Variants in SNX29 observed in about 807,000 individuals in gnomAD.
The protein encoded by SNX29 is sorting nexin-29.
Under a neutral mutation model 102.1 loss-of-function variants are expected in SNX29, and 78 were observed. That is an observed-to-expected ratio of 0.76 (90% CI 0.64 to 0.92). The LOEUF (loss-of-function observed/expected upper bound fraction) is 0.92, where lower values mean the gene tolerates loss of function less well. Ranked by LOEUF, SNX29 falls within the 40% of genes least tolerant of loss-of-function variation. The pLI is 0.00. For synonymous variants in SNX29, 580 were observed against 414.5 expected, an observed-to-expected ratio of 1.40 and a Z score of -4.85; for missense variants, 1,280 against 1,061.7, an observed-to-expected ratio of 1.21 and a Z score of -2.86.
intron 19 of SNX29, among the ~76,000 whole-genome samples, chr16:12,502,617 C>T (rs747643994): frequency 1.6e-4 from 24 of 152,188 alleles, no homozygotes; most frequent in Admixed American, 8.5e-4. Context: ...TCAGCCTGAT[C>T]TTCTAGCCAA....
Position 12,086,292 on chromosome 16 carries a change from C to A in SNX29, c.1402+7377C>A, listed in dbSNP as rs147382668. On this transcript the variant is annotated intron_variant, in intron 11 of 20. Transcript: ENST00000566228. ...GTGTTGGGATTACAGGCGTGAGCCA[C>A]CGCGCCTGGCCACGCTCTTGCCAAT... Among the ~76,000 whole-genome samples the A allele has an allele frequency of 2.7e-3, 415 of 152,268 alleles. 1 individual carries two copies. The highest frequency in any genetic ancestry group is 9.7e-3 in the African/African-American group (404 of 41,558).
chr16:12,249,223 C>T (rs2078350645), intron 14 of SNX29, among the ~76,000 whole-genome samples: 1 of 152,178 alleles, frequency 6.6e-6, no homozygotes, highest in South Asian at 2.1e-4. Flanking sequence ...TTGGAAGGGC[C>T]TGGGCCAACT....
Position 12,558,240 on chromosome 16 carries a change from G to C in SNX29, c.2319-10266G>C, listed in dbSNP as rs542361773. 1.1e-3 allele frequency among the ~76,000 whole-genome samples: 167 copies of C among 145,854 alleles called. 1 individual carries two copies. Among genetic ancestry groups the C allele is most frequent in the African/African-American group, 3.8e-3 (148 of 39,130 alleles). On this transcript the variant is annotated intron_variant, in intron 20 of 20. Transcript: ENST00000566228. ...ACAGAGCCTCTCTTCAGCCCCCCCA[G>C]TAGATGGTATCTGAGGTCTTCTGAA... is the stretch of plus-strand genomic sequence containing the variant.
intron 14 of SNX29, among the ~76,000 whole-genome samples, chr16:12,269,855 T>C (rs1268666329): frequency 8.7e-6 from 1 of 115,594 alleles, no homozygotes; most frequent in African/African-American, 3.3e-5. Context: ...ATCATCATCA[T>C]CATCATTATT....
chr16:12,435,514 G>A (rs1306807892), intron 18 of SNX29, among the ~76,000 whole-genome samples: 1 of 152,150 alleles, frequency 6.6e-6, no homozygotes, highest in Non-Finnish European at 1.5e-5. Flanking sequence ...GCATGGCTTT[G>A]GCTACTTCCA....
In SNX29 at chr16:12,568,665, G is replaced by T; in HGVS notation, c.*36G>T. ...ACCGCAGCCACGGGCCCTGTGCGTG[G>T]CACCAGCTGCGTCCACCCCAGCCAC... On this transcript the variant is annotated 3_prime_UTR_variant, in exon 21 of 21. Coordinates refer to ENST00000566228, the MANE Select transcript of SNX29 (RefSeq NM_032167.5). The T allele has an allele frequency of 6.3e-7, 1 of 1,592,498 alleles. No homozygotes were observed. The highest frequency in any genetic ancestry group is 8.5e-7 in the Non-Finnish European group (1 of 1,175,978).
chr16:12,094,841 G>C (rs2052703279), intron 11 of SNX29, among the ~76,000 whole-genome samples: 1 of 151,982 alleles, frequency 6.6e-6, no homozygotes, highest in East Asian at 1.9e-4. Context: ...CGTTTTCCAG[G>C]AACCGTATTT....
intron 19 of SNX29, among the ~76,000 whole-genome samples, chr16:12,504,224 G>A (rs774935018): frequency 2.3e-4 from 35 of 152,096 alleles, no homozygotes; most frequent in South Asian, 6.2e-4. Context: ...AGCACATAAC[G>A]GAACTTCATT....
chr16:12,561,766 A>G (rs2078738033), intron 20 of SNX29, among the ~76,000 whole-genome samples: 1 of 152,106 alleles, frequency 6.6e-6, no homozygotes, highest in South Asian at 2.1e-4. Flanking sequence ...AATGAACACC[A>G]AAGCACATGT....
chr16:12,216,600 T>A (rs1596532530), intron 14 of SNX29, among the ~76,000 whole-genome samples: 3 of 152,306 alleles, frequency 2.0e-5, no homozygotes, highest in Admixed American at 2.0e-4. Flanking sequence ...CAGCCTGTAC[T>A]GGGAAGCCTT....
chr16:12,276,511 C>G (rs1276695049), intron 14 of SNX29, among the ~76,000 whole-genome samples: 4 of 152,158 alleles, frequency 2.6e-5, no homozygotes, highest in Admixed American at 2.6e-4. Flanking sequence ...TTCCTGAAGG[C>G]TACCCGCATC....
Position 12,053,355 on chromosome 16 carries a change from C to T in SNX29, c.1124+1133C>T, listed in dbSNP as rs1282497313. 3.3e-5 allele frequency: 5 copies of T among 149,950 alleles called. No homozygotes were observed. In the East Asian group the frequency reaches 5.9e-4, roughly 18 times the overall value. The allele number at this position is 149,950 out of a possible 1,614,324, so 9.3% of individuals were successfully genotyped here. A position where few individuals can be genotyped will look rare whatever the true frequency, so the allele number is the denominator to read the frequency against. On this transcript the variant is annotated intron_variant, in intron 8 of 20. Coordinates refer to ENST00000566228, the MANE Select transcript of SNX29 (RefSeq NM_032167.5). ...TAGTTACCTCTTAGGCTTTGTGGTG[C>T]GCAGTGCCCTCCTAATCATGACTAC...
chr16:12,120,473 C>G (rs979008102), intron 11 of SNX29, among the ~76,000 whole-genome samples: 7 of 152,250 alleles, frequency 4.6e-5, no homozygotes, highest in Admixed American at 1.3e-4. Flanking sequence ...TCAGCAGTCT[C>G]TTCCCTTTTT....
chr16:12,290,493 C>T (rs1257279955), intron 15 of SNX29, among the ~76,000 whole-genome samples: 1 of 152,208 alleles, frequency 6.6e-6, no homozygotes, highest in Admixed American at 6.5e-5. Flanking sequence ...CTCTCCTAAT[C>T]CTCCTAGTAC....
chr16:12,327,295 G>T (rs1293154791), intron 15 of SNX29, among the ~76,000 whole-genome samples: 1 of 152,086 alleles, frequency 6.6e-6, no homozygotes, highest in East Asian at 1.9e-4. Context: ...CAGGATGGGC[G>T]TCCTGTAGTT....
intron 14 of SNX29, among the ~76,000 whole-genome samples, chr16:12,272,465 C>G (rs2079119513): frequency 6.6e-6 from 1 of 152,240 alleles, no homozygotes; most frequent in Non-Finnish European, 1.5e-5. Flanking sequence ...GCAGCTGCAG[C>G]CAGCTTCATG....
At chr16:12,219,698 C>G (rs1056211336) in intron 14 of SNX29, among the ~76,000 whole-genome samples, 3 of 152,172 alleles carry the variant, frequency 2.0e-5, no homozygotes, top group Non-Finnish European at 4.4e-5. Flanking sequence ...TAATGTTTTT[C>G]TAATTGCAAA....
intron 3 of SNX29, among the ~76,000 whole-genome samples, chr16:12,021,143 A>T (rs2057008184): frequency 6.6e-6 from 1 of 151,678 alleles, no homozygotes; most frequent in Non-Finnish European, 1.5e-5. Context: ...TAGTAAAAGA[A>T]TTGCCGGTTG....
At chr16:12,360,632 A>G (rs1346172801) in intron 16 of SNX29, among the ~76,000 whole-genome samples, 1 of 152,060 alleles carries the variant, frequency 6.6e-6, no homozygotes, top group East Asian at 1.9e-4. Context: ...CAGTATACAA[A>G]TGTAATCCCC....
Sources: gnomAD v4.1 joint callset for allele counts (sites outside exome capture counted in the v4.1 genomes callset) on GRCh38, gnomAD v4.1.1 for gene constraint, MANE v1.5 for transcripts, NCBI Gene and HGNC (gene_info 2026-07-23, HGNC 2026-07-21) for gene names.